TRIP11: variants seen among roughly 807,000 people sequenced by gnomAD.
TRIP11 encodes thyroid receptor-interacting protein 11.
A neutral mutation model predicts 223.1 loss-of-function variants in TRIP11; 148 were observed. The observed-to-expected ratio is 0.66, with a 90% CI of 0.58 to 0.76. The LOEUF is 0.76. Among genes scored for constraint, TRIP11 ranks in the 30% least tolerant of loss-of-function variants. The probability of loss-of-function intolerance (pLI) is 0.00; values close to 1 mark genes in which losing one functional copy is unlikely to be tolerated. For synonymous variants in TRIP11, 762 were observed against 772.6 expected (o/e 0.99, Z 0.23); for missense variants, 2,043 against 2,222.0 (o/e 0.92, Z 1.62).
At chr14:91,973,981 T>C (rs1460002125) in intron 19 of TRIP11, among the ~76,000 whole-genome samples, 1 of 152,128 alleles carries the variant, frequency 6.6e-6, no homozygotes, top group Non-Finnish European at 1.5e-5. Context: ...TGAGCCAAGA[T>C]CGCACCACTG....
rs144475398 is a variant in TRIP11, at chr14:91,976,115, C to A, written c.5335G>T (p.Val1779Leu). Residue 1779 changes from valine to leucine, a missense_variant, in exon 17 of 21, where the codon GTA becomes TTA. By Grantham distance (32) the Val-to-Leu change is conservative (BLOSUM62 1). Transcript: ENST00000267622. ...TAAAAGCAAAAAGCATACTTGTCTA[C>A]TTTTCCTTCTGAGCTGTTTGCTAAG... ...MSLANSSEGK[V>L]DKVLMRNLFI... 2.9e-5 allele frequency: 46 copies of A among 1,611,934 alleles called. No individual in the cohort carries two copies. The highest frequency in any genetic ancestry group is 3.8e-5 in the Non-Finnish European group (45 of 1,179,688).
At position 92,005,269 on chromosome 14, in the gene TRIP11, T is replaced by C. The variant is rs539901814; in HGVS notation, c.2707A>G (p.Thr903Ala). 8.7e-6 allele frequency: 14 copies of C among 1,614,126 alleles called. No homozygotes were observed. In the East Asian group the frequency reaches 2.5e-4, roughly 28 times the overall value. Residue 903 changes from threonine (T) to alanine (A), a missense_variant, in exon 11 of 21, where the codon ACG (threonine) becomes GCG (alanine). Thr to Ala is a moderately conservative substitution (Grantham distance 58). Transcript: ENST00000267622. Reference sequence around the variant, plus strand: ...TCCTCTTCAAGATGTTCCTTGATCGTGTTCAGTTGAGATACCTCAGATGCT... The same window carrying C: ...TCCTCTTCAAGATGTTCCTTGATCGCGTTCAGTTGAGATACCTCAGATGCT... ...ELASEVSQLN[T>A]IKEHLEEEIK... is the part of the protein sequence containing the mutation.
chr14:92,021,491 G>GT (rs909395544), intron 4 of TRIP11, 65 bp downstream of exon 4: 4 of 1,551,536 alleles, frequency 2.6e-6, no homozygotes, highest in Middle Eastern at 2.2e-4. Flanking sequence ...TCTACATACA[G>GT]TTTTTTATAT....
At position 92,039,875 on chromosome 14, in the gene TRIP11, AC is replaced by A; in HGVS notation, c.-191del. 1 of 1,179,434 alleles carries A rather than the reference AC, an allele frequency of 8.5e-7. No homozygotes were observed. The highest frequency in any genetic ancestry group is 1.2e-6 in the Non-Finnish European group (1 of 849,454). The allele number at this position is 1,179,434 out of a possible 1,614,324, so 73.1% of individuals were successfully genotyped here. ...ACGCAGAGGCCTGGCCTGGAATTTTACCAGGGGCCCGCCTCTAGTGACACAG... is the reference window on the plus strand; with the variant it reads ...ACGCAGAGGCCTGGCCTGGAATTTTACAGGGGCCCGCCTCTAGTGACACAG... On this transcript the variant is annotated 5_prime_UTR_variant, in exon 1 of 21. An upstream open reading frame in the 5' UTR gains an earlier in-frame stop. Transcript: ENST00000267622.
At chr14:92,027,115 T>G (rs1054986813) in intron 2 of TRIP11, among the ~76,000 whole-genome samples, 2 of 152,076 alleles carry the variant, frequency 1.3e-5, no homozygotes, top group African/African-American at 4.8e-5. Context: ...CCCTGCTTTT[T>G]TTCTTAAAAG....
intron 1 of TRIP11, among the ~76,000 whole-genome samples, chr14:92,036,181 G>A (rs1415045474): frequency 2.6e-5 from 4 of 152,166 alleles, no homozygotes; most frequent in Non-Finnish European, 5.9e-5. Flanking sequence ...GTTAAAAGCA[G>A]CAACTATTTT....
Position 92,003,893 on chromosome 14 carries a change from T to C in TRIP11, c.4083A>G (p.Ala1361=), listed in dbSNP as rs758152090. ...ELRKSLQEKD[A]TIRTLQENNH... ...TATTTTCCTGGAGAGTTCTAATTGT[T>C]GCATCTTTTTCCTGTAGTGATTTTC... The change falls in exon 11 of 21, where the codon GCA becomes GCG. Residue 1361 remains alanine, a synonymous_variant. Coordinates refer to ENST00000267622, the MANE Select transcript of TRIP11 (RefSeq NM_004239.4). 6.2e-7 allele frequency: 1 copy of C among 1,614,092 alleles called. No individual in the cohort carries two copies. The highest frequency in any genetic ancestry group is 1.1e-5 in the South Asian group (1 of 91,086).
Position 92,029,280 on chromosome 14 carries a change from A to ATTTTT in TRIP11, c.202-3865_202-3861dup, listed in dbSNP as rs60778253. On this transcript the variant is annotated intron_variant, in intron 2 of 20. Transcript: ENST00000267622. ...TTCTGACTGCATTGCCCAAAGTATTATTTTTTTTTTTTTTTTTTTTTTTTT... is the reference window on the plus strand; with the variant it reads ...TTCTGACTGCATTGCCCAAAGTATTATTTTTTTTTTTTTTTTTTTTTTTTTTTTTT... Among the ~76,000 whole-genome samples the ATTTTT allele has an allele frequency of 5.6e-3, 427 of 76,734 alleles. 29 individuals are homozygous for ATTTTT. Among genetic ancestry groups the ATTTTT allele is most frequent in the African/African-American group, 0.016 (272 of 17,244 alleles). 50.3% of individuals were successfully genotyped at this position (76,734 alleles called of 152,430 possible).
In TRIP11 at chr14:92,004,465, T is replaced by C. The variant is rs541713444; in HGVS notation, c.3511A>G (p.Ile1171Val). ...TTCTGACTTAGTGCATCTATTTCGA[T>C]GTCTTTTTCTCGAATGATACGTGAT... ...NLSRIIREKD[I>V]EIDALSQKCQ... Residue 1171 changes from isoleucine (I) to valine (V), a missense_variant, in exon 11 of 21, where the codon ATC becomes GTC. Physicochemically the swap from Ile to Val is conservative, Grantham distance 29 (BLOSUM62 3). Coordinates refer to ENST00000267622, the MANE Select transcript of TRIP11 (RefSeq NM_004239.4). 5.0e-6 allele frequency: 8 copies of C among 1,613,762 alleles called. No homozygotes were observed. The Admixed American group carries it at 8.3e-5, about 17-fold the overall frequency.
chr14:91,998,528 TATGA>T (rs1237249946), intron 13 of TRIP11, among the ~76,000 whole-genome samples: 2 of 152,052 alleles, frequency 1.3e-5, no homozygotes, highest in Non-Finnish European at 2.9e-5. Context: ...TACAAAACAG[TATGA>T]ATATTATAAT....
At chr14:92,027,812 T>A (rs1319579401) in intron 2 of TRIP11, among the ~76,000 whole-genome samples, 1 of 152,244 alleles carries the variant, frequency 6.6e-6, no homozygotes, top group Admixed American at 6.5e-5. Context: ...TAGGAACTTC[T>A]GATGTCAACA....
intron 10 of TRIP11, 141 bp from the exon 11 acceptor site, chr14:92,006,589 A>G: frequency 1.1e-6 from 1 of 933,548 alleles, no homozygotes; most frequent in Non-Finnish European, 1.6e-6. Context: ...TTTCTATCAA[A>G]AACACCCACT....
At chr14:91,970,146 C>T (rs563904228) in intron 20 of TRIP11, among the ~76,000 whole-genome samples, 6 of 152,160 alleles carry the variant, frequency 3.9e-5, no homozygotes, top group African/African-American at 1.4e-4. Context: ...GTGGCTCATG[C>T]CTGTAACCCC....
rs1407167351 is a variant in TRIP11, at chr14:92,014,196, A to C, written c.1186+19T>G. On this transcript the variant is annotated intron_variant, in intron 7 of 20. Coordinates refer to ENST00000267622, the MANE Select transcript of TRIP11 (RefSeq NM_004239.4). Reference sequence around the variant, plus strand: ...TGCAATGAAACAGCAATCTGAAATAAGTTCCAAAGACTGTATACCAGACAG... The same window carrying C: ...TGCAATGAAACAGCAATCTGAAATACGTTCCAAAGACTGTATACCAGACAG... 1 of 1,613,706 alleles carries C rather than the reference A, an allele frequency of 6.2e-7. No homozygotes were observed. Among genetic ancestry groups the C allele is most frequent in the Non-Finnish European group, 8.5e-7 (1 of 1,179,964 alleles).
chr14:92,032,158 T>C (rs1423941938), intron 2 of TRIP11, among the ~76,000 whole-genome samples: 1 of 152,100 alleles, frequency 6.6e-6, no homozygotes, highest in African/African-American at 2.4e-5. Context: ...ATCCTTTTTT[T>C]CTTTTTTTGG....
At position 92,005,256 on chromosome 14, in the gene TRIP11, T is replaced by C. The variant is rs199740201; in HGVS notation, c.2720A>G (p.His907Arg). The C allele has an allele frequency of 3.7e-5, 60 of 1,614,176 alleles. 1 individual carries two copies. The Admixed American group carries it at 9.3e-4, about 25-fold the overall frequency. Residue 907 changes from histidine to arginine, a missense_variant, in exon 11 of 21, where the codon CAT (histidine) becomes CGT (arginine). His to Arg is a conservative substitution (Grantham distance 29). Coordinates refer to ENST00000267622, the MANE Select transcript of TRIP11 (RefSeq NM_004239.4). ...EVSQLNTIKE[H>R]LEEEIKHHQK... ...ATGATGTTTAATTTCCTCTTCAAGA[T>C]GTTCCTTGATCGTGTTCAGTTGAGA...
At chr14:91,992,433 A>G (rs1195696900) in intron 15 of TRIP11, among the ~76,000 whole-genome samples, 1 of 152,128 alleles carries the variant, frequency 6.6e-6, no homozygotes, top group African/African-American at 2.4e-5. Context: ...CTTATATTTT[A>G]TACATATTAT....
intron 14 of TRIP11, among the ~76,000 whole-genome samples, chr14:91,994,370 A>AGTAGC (rs536923076): frequency 2.7e-5 from 4 of 150,182 alleles, no homozygotes; most frequent in Admixed American, 6.7e-5. Context: ...GTTCAAGCCG[A>AGTAGC]GTAGCTGGGA....
At chr14:92,019,128 T>C (rs2057077845) in intron 4 of TRIP11, among the ~76,000 whole-genome samples, 2 of 152,118 alleles carry the variant, frequency 1.3e-5, no homozygotes, top group African/African-American at 2.4e-5. Flanking sequence ...GCTAGAAAAT[T>C]AAGTCCTCTG....
Sources: gnomAD v4.1 joint callset for allele counts (sites outside exome capture counted in the v4.1 genomes callset) on GRCh38, gnomAD v4.1.1 for gene constraint, MANE v1.5 for transcripts, NCBI Gene and HGNC (gene_info 2026-07-23, HGNC 2026-07-21) for gene names.